ASPRV1: variants seen among roughly 807,000 people sequenced by gnomAD.
The protein encoded by ASPRV1 is aspartic peptidase retroviral like 1.
A neutral mutation model predicts 11.0 loss-of-function variants in ASPRV1; 7 were observed. The observed-to-expected ratio is 0.64, with a 90% confidence interval of 0.36 to 1.20. ASPRV1 has a LOEUF of 1.20. Among genes scored for constraint, ASPRV1 ranks in the 50% most tolerant of loss-of-function variants. The pLI is 0.02. For missense variants in ASPRV1, 299 were observed against 320.0 expected, an observed-to-expected ratio of 0.93 and a Z score of 0.50; for synonymous variants, 136 against 138.4, an observed-to-expected ratio of 0.98 and a Z score of 0.12.
At chr2:70,019,627 T>C in the ASPRV1 span, among the ~76,000 whole-genome samples, 4 of 152,158 alleles carry the variant, frequency 2.6e-5, no homozygotes, top group Admixed American at 6.5e-5. Flanking sequence ...TGAGTGAACC[T>C]GGAGGATACT....
the ASPRV1 span, among the ~76,000 whole-genome samples, chr2:69,968,674 A>G: frequency 1.9e-4 from 29 of 152,356 alleles, no homozygotes; most frequent in Middle Eastern, 3.4e-3. Flanking sequence ...TAAAAAGTAA[A>G]TAATAAGTAA....
chr2:70,057,699 G>C, the ASPRV1 span, among the ~76,000 whole-genome samples: 4 of 151,794 alleles, frequency 2.6e-5, no homozygotes, highest in Admixed American at 6.6e-5. Flanking sequence ...GGCTGGTCTT[G>C]AACTCCTGAC....
chr2:70,075,789 C>T, the ASPRV1 span, among the ~76,000 whole-genome samples: 1 of 151,656 alleles, frequency 6.6e-6, no homozygotes, highest in Non-Finnish European at 1.5e-5. Flanking sequence ...GCGGAGGTTG[C>T]GGTGAGGTGA....
At chr2:70,086,381 T>G in the ASPRV1 span, 1 of 152,244 alleles carries the variant, frequency 6.6e-6, no homozygotes. Context: ...CGGGGCCCTT[T>G]CTGGTCTGGC....
chr2:69,990,958 A>T, the ASPRV1 span, among the ~76,000 whole-genome samples: 1 of 152,106 alleles, frequency 6.6e-6, no homozygotes, highest in East Asian at 1.9e-4. Context: ...TTTGGCAGGG[A>T]ACTCCGCACC....
chr2:70,043,052 C>T, the ASPRV1 span, among the ~76,000 whole-genome samples: 1 of 152,062 alleles, frequency 6.6e-6, no homozygotes. Context: ...GGGGAGAAAA[C>T]GCTGTGAGAA....
the ASPRV1 span, among the ~76,000 whole-genome samples, chr2:70,072,910 A>C: frequency 3.3e-5 from 5 of 150,780 alleles, no homozygotes; most frequent in East Asian, 7.8e-4. Context: ...AAAAAAAAAA[A>C]AAAAAACAGC....
the ASPRV1 span, among the ~76,000 whole-genome samples, chr2:69,951,205 C>T: frequency 5.3e-5 from 8 of 151,832 alleles, no homozygotes; most frequent in South Asian, 1.7e-3. Context: ...GCAGGCAGAT[C>T]GCGAGGTCAA....
the ASPRV1 span, among the ~76,000 whole-genome samples, chr2:69,984,858 C>CTT: frequency 1.7e-4 from 20 of 120,832 alleles, no homozygotes; most frequent in African/African-American, 4.6e-4. Context: ...TCAGGGCCAG[C>CTT]TTTTTTTTTT....
At chr2:70,087,325 G>A in the ASPRV1 span, 1 of 152,122 alleles carries the variant, frequency 6.6e-6, no homozygotes, top group South Asian at 2.1e-4. Flanking sequence ...TGCAGTGTCA[G>A]AAGGTTTTTT....
At chr2:70,020,392 T>C in the ASPRV1 span, among the ~76,000 whole-genome samples, 3 of 152,180 alleles carry the variant, frequency 2.0e-5, no homozygotes, top group Non-Finnish European at 2.9e-5. Context: ...ATACATACAA[T>C]GAAATGTTGT....
At chr2:70,065,388 C>T in the ASPRV1 span, among the ~76,000 whole-genome samples, 1 of 82,940 alleles carries the variant, frequency 1.2e-5, no homozygotes, top group African/African-American at 5.3e-5. Flanking sequence ...AAGACACCAT[C>T]TCAAAAAAAA....
the ASPRV1 span, chr2:70,086,576 C>G: frequency 2.0e-5 from 3 of 152,270 alleles, no homozygotes; most frequent in Admixed American, 2.0e-4. Flanking sequence ...GCCGCGGGAG[C>G]CCAGGCCGCG....
chr2:70,074,463 A>AT, the ASPRV1 span, among the ~76,000 whole-genome samples: 1 of 151,344 alleles, frequency 6.6e-6, no homozygotes. Flanking sequence ...CTTTTTTTGT[A>AT]TTTTTAGTAG....
At chr2:70,064,034 G>A in the ASPRV1 span, 1 of 152,178 alleles carries the variant, frequency 6.6e-6, no homozygotes, top group Non-Finnish European at 1.5e-5. Flanking sequence ...TCAGCTACCT[G>A]AAGTTAATAA....
the ASPRV1 span, among the ~76,000 whole-genome samples, chr2:70,025,137 C>A: frequency 6.6e-6 from 1 of 152,166 alleles, no homozygotes; most frequent in South Asian, 2.1e-4. Flanking sequence ...ATTATCTCAA[C>A]AGACACTAGA....
the ASPRV1 span, among the ~76,000 whole-genome samples, chr2:69,991,798 G>A: frequency 6.6e-6 from 1 of 152,096 alleles, no homozygotes; most frequent in South Asian, 2.1e-4. Context: ...CGCCCACCTC[G>A]GCCTCCCAAA....
the ASPRV1 span, among the ~76,000 whole-genome samples, chr2:70,076,490 A>T: frequency 2.6e-5 from 4 of 152,232 alleles, no homozygotes; most frequent in African/African-American, 9.6e-5. Context: ...TACATAGCTG[A>T]TGGCATTTAA....
At chr2:69,986,975 G>C in the ASPRV1 span, among the ~76,000 whole-genome samples, 1 of 152,210 alleles carries the variant, frequency 6.6e-6, no homozygotes, top group African/African-American at 2.4e-5. Flanking sequence ...CTGGCAGAGA[G>C]GGGGCTTAGA....
Sources: allele counts gnomAD v4.1 joint callset (sites outside exome capture counted in the v4.1 genomes callset), GRCh38; gene constraint gnomAD v4.1.1; transcripts MANE v1.5; gene names NCBI Gene and HGNC (gene_info 2026-07-23, HGNC 2026-07-21).